The following SNRNP200 variants were observed in gnomAD, a reference collection of about 807,000 sequenced individuals.
The protein encoded by SNRNP200 is U5 small nuclear ribonucleoprotein 200 kDa helicase.
Under a neutral mutation model 255.2 loss-of-function variants are expected in SNRNP200, and 66 were observed. That is an observed-to-expected ratio of 0.26 (90% CI 0.21 to 0.32). SNRNP200 has a LOEUF of 0.32. SNRNP200 is among the 10% of genes least tolerant of loss of function. The pLI is 1.00. For missense variants in SNRNP200, 1,585 were observed against 2,749.8 expected (o/e 0.58, Z 9.47); for synonymous variants, 939 against 1,027.8 (o/e 0.91, Z 1.65).
intron 35 of SNRNP200, chr2:96,281,339 G>T: frequency 5.6e-6 from 1 of 178,792 alleles, no homozygotes; most frequent in South Asian, 1.1e-4. Context: ...GCTAATTTTT[G>T]TTATTTTTAG....
chr2:96,276,251 AAAC>A (rs1474935091), intron 43 of SNRNP200, among the ~76,000 whole-genome samples: 4 of 152,182 alleles, frequency 2.6e-5, no homozygotes, highest in Non-Finnish European at 5.9e-5. Context: ...TGGTGGTAAA[AAAC>A]CAAGCACCCA....
chr2:96,276,754 A>AT (rs1684672049), intron 43 of SNRNP200, 150 bp downstream of exon 43: 1 of 852,050 alleles, frequency 1.2e-6, no homozygotes, highest in African/African-American at 1.7e-5. Context: ...CAGAAAAAAA[A>AT]CCCCATAGCC....
intron 16 of SNRNP200, 31 bp downstream of exon 16, chr2:96,292,941 G>A (rs763045302): frequency 6.2e-7 from 1 of 1,612,490 alleles, no homozygotes. Flanking sequence ...AAAGAATGGG[G>A]TTCAAGAGTA....
intron 35 of SNRNP200, 76 bp from the exon 36 acceptor site, chr2:96,279,635 G>C (rs938609085): frequency 3.4e-6 from 3 of 882,428 alleles, no homozygotes; most frequent in Non-Finnish European, 5.6e-6. Context: ...AACTCCCTTC[G>C]CCAAGTAAGA....
chr2:96,283,559 C>T lies in SNRNP200; in HGVS notation c.4739G>A (p.Cys1580Tyr). Reference sequence around the variant, plus strand: ...CCTCTGCCGTTGGATGTCTGCTGCACAGGTGGTGAGGATGTCAATGGCAGT... The same window carrying T: ...CCTCTGCCGTTGGATGTCTGCTGCATAGGTGGTGAGGATGTCAATGGCAGT... ...RLTAIDILTT[C>Y]AADIQRQRFL... Residue 1580 changes from cysteine to tyrosine, a missense_variant, in exon 33 of 45, where the codon TGT (cysteine) becomes TAT (tyrosine). Coordinates refer to ENST00000323853, the MANE Select transcript of SNRNP200 (RefSeq NM_014014.5). The surrounding 1 kb of genome is among the most constrained non-coding windows in gnomAD (Gnocchi z 4.7). The T allele has an allele frequency of 3.1e-6, 5 of 1,614,136 alleles. No individual in the cohort carries two copies. The highest frequency in any genetic ancestry group is 4.2e-6 in the Non-Finnish European group (5 of 1,180,030).
chr2:96,290,104 T>C lies in SNRNP200; in HGVS notation c.2743-108A>G. ...AATTCCCAACTACAAGGATGCATAT[T>C]ACATCGTATTCTGAATGTTTTTAGC... On this transcript the variant is annotated intron_variant, in intron 20 of 44. Coordinates refer to ENST00000323853, the MANE Select transcript of SNRNP200 (RefSeq NM_014014.5). The surrounding 1 kb of genome is among the most constrained non-coding windows in gnomAD (Gnocchi z 4.5). 4.6e-6 allele frequency: 5 copies of C among 1,092,064 alleles called. No individual in the cohort carries two copies. Among genetic ancestry groups the C allele is most frequent in the Non-Finnish European group, 7.0e-6 (5 of 711,072 alleles). The allele number at this position is 1,092,064 out of a possible 1,614,324, so 67.6% of individuals were successfully genotyped here.
intron 13 of SNRNP200, among the ~76,000 whole-genome samples, chr2:96,296,142 C>A (rs1022939134): frequency 6.6e-6 from 1 of 152,042 alleles, no homozygotes; most frequent in Non-Finnish European, 1.5e-5. Flanking sequence ...AAAAAAAAGA[C>A]CTCTGGGAAC....
At chr2:96,292,730 T>G (rs927400713) in intron 16 of SNRNP200, among the ~76,000 whole-genome samples, 3 of 152,206 alleles carry the variant, frequency 2.0e-5, no homozygotes, top group Admixed American at 2.0e-4. Flanking sequence ...AACTGGTAGT[T>G]GTTGGAGAAC....
intron 35 of SNRNP200, among the ~76,000 whole-genome samples, chr2:96,280,302 G>A (rs1421629239): frequency 6.6e-6 from 1 of 152,108 alleles, no homozygotes; most frequent in Non-Finnish European, 1.5e-5. Context: ...TTCAAGACCA[G>A]CCTGGGCAAC....
chr2:96,293,639 G>T, intron 14 of SNRNP200, 130 bp from the exon 15 acceptor site: 1 of 777,312 alleles, frequency 1.3e-6, no homozygotes, highest in Non-Finnish European at 2.1e-6. Flanking sequence ...CCAAGCCACA[G>T]ATGCCCAAAG....
At position 96,295,662 on chromosome 2, in the gene SNRNP200, T is replaced by G. The variant is rs1368572365; in HGVS notation, c.1672-4A>C. On this transcript the variant is annotated splice_polypyrimidine_tract_variant and splice_region_variant and intron_variant, in intron 13 of 44. Coordinates refer to ENST00000323853, the MANE Select transcript of SNRNP200 (RefSeq NM_014014.5). The stretch of plus-strand genomic sequence containing the variant: ...TGATGCCATAAGTGGCCAGGCGCTG[T>G]GGGAGGAAAACTACATCAGGCAGGA... The G allele has an allele frequency of 6.2e-7, 1 of 1,613,058 alleles. No individual in the cohort carries two copies. Among genetic ancestry groups the G allele is most frequent in the African/African-American group, 1.3e-5 (1 of 74,822 alleles).
At chr2:96,295,438 C>T (rs762470665) in intron 14 of SNRNP200, 50 bp downstream of exon 14, 2 of 1,608,564 alleles carry the variant, frequency 1.2e-6, no homozygotes, top group South Asian at 2.2e-5. Flanking sequence ...ACCCAGCAAA[C>T]CCGCCCTGAC....
chr2:96,286,621 G>C lies in SNRNP200; in HGVS notation c.3829+67C>G, dbSNP rs1309826553. 3.8e-6 allele frequency: 6 copies of C among 1,599,242 alleles called. No homozygotes were observed. In the East Asian group the frequency reaches 1.3e-4, roughly 36 times the overall value. On this transcript the variant is annotated intron_variant, in intron 28 of 44. Transcript: ENST00000323853. The surrounding 1 kb of genome is among the most constrained non-coding windows in gnomAD (Gnocchi z 4.8). ...CCAGCAAGGGCAAGCCCGGGACAAA[G>C]TGCAAGACATTCTTCTACTGTCCTT... is the stretch of plus-strand genomic sequence containing the variant.
chr2:96,291,973 A>T lies in SNRNP200; in HGVS notation c.2161-73T>A. On this transcript the variant is annotated intron_variant, in intron 16 of 44. Transcript: ENST00000323853. The surrounding 1 kb of genome is among the most constrained non-coding windows in gnomAD (Gnocchi z 4.2). ...CAGGGCACCTGCAGCAGGAAGCAGA[A>T]GTTGCACCATCACCACCAGAAGCCA... 6.4e-7 allele frequency: 1 copy of T among 1,551,930 alleles called. No homozygotes were observed. The highest frequency in any genetic ancestry group is 1.1e-5 in the South Asian group (1 of 89,656).
At position 96,277,692 on chromosome 2, in the gene SNRNP200, G is replaced by A. The variant is rs772906068; in HGVS notation, c.5778C>T (p.Cys1926=). The A allele has an allele frequency of 2.2e-5, 36 of 1,614,010 alleles. No homozygotes were observed. The South Asian group carries it at 2.7e-4, about 12-fold the overall frequency. The part of the protein sequence containing the change: ...LSKAIRLIQA[C]VDVLSSNGWL... ...ACCCATTGCTGGAAAGGACATCCAC[G>A]CAGGCCTGGATGAGCCGGATTGCCT... Residue 1926 remains cysteine (C), a synonymous_variant, in exon 41 of 45, where the codon TGC becomes TGT. Transcript: ENST00000323853. The surrounding 1 kb of genome is among the most constrained non-coding windows in gnomAD (Gnocchi z 4.4).
At chr2:96,300,333 A>G (rs1178539721) in intron 5 of SNRNP200, among the ~76,000 whole-genome samples, 1 of 152,254 alleles carries the variant, frequency 6.6e-6, no homozygotes, top group Non-Finnish European at 1.5e-5. Context: ...AGTCAGATAC[A>G]GTAATGAAAA....
chr2:96,294,853 T>C (rs961264136), intron 14 of SNRNP200, among the ~76,000 whole-genome samples: 1 of 152,258 alleles, frequency 6.6e-6, no homozygotes, highest in Non-Finnish European at 1.5e-5. Flanking sequence ...AGACATAGCT[T>C]CTTGGCCTTT....
chr2:96,300,848 C>T lies in SNRNP200; in HGVS notation c.630+150G>A, dbSNP rs953414711. On this transcript the variant is annotated intron_variant, in intron 5 of 44. Transcript: ENST00000323853. Reference sequence around the variant, plus strand: ...AAAGATAACTGCACTTTTTTTTAAGCAAAAGAACATATAATGCCCAAGTCT... The same window carrying T: ...AAAGATAACTGCACTTTTTTTTAAGTAAAAGAACATATAATGCCCAAGTCT... The T allele has an allele frequency of 1.2e-5, 8 of 665,998 alleles. No individual in the cohort carries two copies. The African/African-American group carries it at 1.5e-4, about 12-fold the overall frequency. 41.3% of individuals were successfully genotyped at this position (665,998 alleles called of 1,614,324 possible).
In SNRNP200 at chr2:96,285,592, G is replaced by C. The variant is rs185864436; in HGVS notation, c.4004-252C>G. On this transcript the variant is annotated intron_variant, in intron 29 of 44. Coordinates refer to ENST00000323853, the MANE Select transcript of SNRNP200 (RefSeq NM_014014.5). ...GAGCCCAGGTCCCCTGGAGATGTGT[G>C]GGATGACAACAAAAGCAAAGCAAAA... Among the ~76,000 whole-genome samples the C allele has an allele frequency of 2.6e-5, 4 of 152,298 alleles. No individual in the cohort carries two copies. In the East Asian group the frequency reaches 7.7e-4, roughly 29 times the overall value.
Sources: gnomAD v4.1 joint callset for allele counts (sites outside exome capture counted in the v4.1 genomes callset) on GRCh38, gnomAD v4.1.1 for gene constraint, Gnocchi (gnomAD v3.1) non-coding constraint, MANE v1.5 for transcripts, NCBI Gene and HGNC (gene_info 2026-07-23, HGNC 2026-07-21) for gene names.